The following POLR3B variants were observed in gnomAD, a reference collection of about 807,000 sequenced individuals.
POLR3B encodes the protein DNA-directed RNA polymerase III subunit RPC2.
In POLR3B, 96 loss-of-function variants were observed where a neutral mutation model predicts 147.4. The observed-to-expected ratio is 0.65, with a 90% CI of 0.55 to 0.77. The LOEUF is 0.77. Among genes scored for constraint, POLR3B ranks in the 30% least tolerant of loss-of-function variants. POLR3B has a pLI of 0.00. For missense variants in POLR3B, 1,036 were observed against 1,413.5 expected, an observed-to-expected ratio of 0.73 and a Z score of 4.28; for synonymous variants, 461 against 485.9, an observed-to-expected ratio of 0.95 and a Z score of 0.67.
chr12:106,455,657 A>C (rs1210062277), intron 20 of POLR3B, among the ~76,000 whole-genome samples: 1 of 152,166 alleles, frequency 6.6e-6, no homozygotes, highest in Non-Finnish European at 1.5e-5. Flanking sequence ...ACACTTCTTG[A>C]TTTCATGCAG....
rs1462728823 is a variant in POLR3B at position 106,509,585 on chromosome 12, T to G, written c.*36T>G. The G allele has an allele frequency of 3.2e-6, 5 of 1,584,246 alleles. No homozygotes were observed. In the African/African-American group the frequency reaches 6.7e-5, roughly 21 times the overall value. ...AATGATTATTAAAGAGAACAAGTGA[T>G]ACATCCAATGCAACGGAAAGCAGAA... is the stretch of plus-strand genomic sequence containing the variant. On this transcript the variant is annotated 3_prime_UTR_variant, in exon 28 of 28. Coordinates refer to ENST00000228347, the MANE Select transcript of POLR3B (RefSeq NM_018082.6).
intron 12 of POLR3B, among the ~76,000 whole-genome samples, chr12:106,419,337 G>A (rs1475137246): frequency 6.6e-6 from 1 of 152,214 alleles, no homozygotes. Flanking sequence ...TAGTAGAAAA[G>A]TGGAAGGACA....
At chr12:106,368,350 G>A (rs1198511659) in intron 4 of POLR3B, among the ~76,000 whole-genome samples, 1 of 151,874 alleles carries the variant, frequency 6.6e-6, no homozygotes, top group Non-Finnish European at 1.5e-5. Flanking sequence ...GTATGTATAC[G>A]AACACATATG....
At position 106,357,809 on chromosome 12, in the gene POLR3B, C is replaced by A; in HGVS notation, c.-71C>A. The stretch of plus-strand genomic sequence containing the variant: ...CCTCCGCGCACCGTTCGCCGGGAGT[C>A]TTGCAGTTTGCTTGGTGCAGGGAAG... On this transcript the variant is annotated 5_prime_UTR_variant, in exon 1 of 28. Transcript: ENST00000228347. 2 of 1,459,084 alleles carry A rather than the reference C, an allele frequency of 1.4e-6. No individual in the cohort carries two copies. The highest frequency in any genetic ancestry group is 1.2e-5 in the South Asian group (1 of 84,216). The allele number at this position is 1,459,084 out of a possible 1,614,324, so 90.4% of individuals were successfully genotyped here.
intron 27 of POLR3B, 149 bp from the exon 28 acceptor site, chr12:106,509,271 T>G: frequency 1.2e-6 from 1 of 811,832 alleles, no homozygotes; most frequent in Non-Finnish European, 2.1e-6. Context: ...ACATACGTAC[T>G]TATATGATAG....
rs577789842 is a variant in POLR3B, at chr12:106,400,719, A to G, written c.847-5138A>G. The stretch of plus-strand genomic sequence containing the variant: ...TGGAAACTGAACAACCTGCTCCTGA[A>G]TGACTACTGGGTACATAATGAAATG... On this transcript the variant is annotated intron_variant, in intron 10 of 27. Coordinates refer to ENST00000228347, the MANE Select transcript of POLR3B (RefSeq NM_018082.6). Among the ~76,000 whole-genome samples the G allele has an allele frequency of 8.4e-4, 128 of 152,356 alleles. No individual in the cohort carries two copies. The South Asian group carries it at 0.014, about 17-fold the overall frequency.
intron 22 of POLR3B, among the ~76,000 whole-genome samples, chr12:106,461,192 C>G (rs951056204): frequency 1.3e-5 from 2 of 152,076 alleles, no homozygotes; most frequent in African/African-American, 4.8e-5. Flanking sequence ...CCTCCCAGTT[C>G]AAGTGATTCT....
chr12:106,481,169 T>G (rs963125085), intron 23 of POLR3B, among the ~76,000 whole-genome samples: 1 of 152,074 alleles, frequency 6.6e-6, no homozygotes, highest in Non-Finnish European at 1.5e-5. Flanking sequence ...AACTTTGGCT[T>G]TTATTCTGAG....
rs1255185207 is a variant in POLR3B at position 106,496,899 on chromosome 12, G to A, written c.2965G>A (p.Val989Ile). The part of the protein sequence containing the change: ...HGYNYLGKDY[V>I]TSGITGEPLE... ...TTATAACTACTTGGGGAAAGACTATGTTACATCCGGCATCACAGGGTAAGC... is the reference window on the plus strand; with the variant it reads ...TTATAACTACTTGGGGAAAGACTATATTACATCCGGCATCACAGGGTAAGC... The change falls in exon 25 of 28, where the codon GTT becomes ATT. Residue 989 changes from valine to isoleucine, a missense_variant. Physicochemically the swap from Val to Ile is conservative, Grantham distance 29. This residue lies in a region of POLR3B where 88 missense variants were observed against 87.5 expected (regional missense o/e 1.01). Coordinates refer to ENST00000228347, the MANE Select transcript of POLR3B (RefSeq NM_018082.6). 6.2e-7 allele frequency: 1 copy of A among 1,614,000 alleles called. No individual in the cohort carries two copies. Among genetic ancestry groups the A allele is most frequent in the Non-Finnish European group, 8.5e-7 (1 of 1,179,992 alleles).
chr12:106,459,603 A>T (rs942996702), intron 22 of POLR3B, among the ~76,000 whole-genome samples: 1 of 152,200 alleles, frequency 6.6e-6, no homozygotes, highest in Non-Finnish European at 1.5e-5. Context: ...GGTGGAATTA[A>T]CAACAGGATG....
intron 19 of POLR3B, among the ~76,000 whole-genome samples, chr12:106,444,833 G>A (rs1383402762): frequency 1.3e-5 from 2 of 149,922 alleles, no homozygotes; most frequent in African/African-American, 2.5e-5. Flanking sequence ...ACCAAACAAA[G>A]CAATGTGTAA....
At chr12:106,412,838 G>GT (rs1354892462) in intron 12 of POLR3B, among the ~76,000 whole-genome samples, 3 of 152,106 alleles carry the variant, frequency 2.0e-5, no homozygotes, top group Non-Finnish European at 2.9e-5. Flanking sequence ...CTCTCATACT[G>GT]TAAACAAGTA....
At chr12:106,375,665 T>C (rs945770309) in intron 6 of POLR3B, among the ~76,000 whole-genome samples, 2 of 152,198 alleles carry the variant, frequency 1.3e-5, no homozygotes, top group Non-Finnish European at 1.5e-5. Context: ...TTCTAGTACA[T>C]TTTGCTCAGT....
At chr12:106,465,292 T>C (rs2037989674) in intron 23 of POLR3B, among the ~76,000 whole-genome samples, 1 of 152,150 alleles carries the variant, frequency 6.6e-6, no homozygotes, top group Non-Finnish European at 1.5e-5. Flanking sequence ...TTGTAAAATA[T>C]TGACACTGGA....
intron 9 of POLR3B, among the ~76,000 whole-genome samples, chr12:106,384,198 C>G (rs1192308053): frequency 6.6e-6 from 1 of 152,024 alleles, no homozygotes; most frequent in Non-Finnish European, 1.5e-5. Flanking sequence ...ATCTACAAAG[C>G]CCAATAAAGC....
chr12:106,368,116 A>G (rs1386467891), intron 4 of POLR3B, among the ~76,000 whole-genome samples: 2 of 152,004 alleles, frequency 1.3e-5, no homozygotes, highest in Admixed American at 6.6e-5. Context: ...AGCTTTGACC[A>G]TAGGGAGACC....
chr12:106,477,596 C>T (rs997355266), intron 23 of POLR3B, among the ~76,000 whole-genome samples: 9 of 152,070 alleles, frequency 5.9e-5, no homozygotes, highest in Non-Finnish European at 1.0e-4. Flanking sequence ...GTCTGAAAAG[C>T]GCAATATTCA....
chr12:106,503,881 A>G (rs1428595332), intron 26 of POLR3B, among the ~76,000 whole-genome samples, 200 bp from the exon 27 acceptor site: 2 of 152,232 alleles, frequency 1.3e-5, no homozygotes, highest in Non-Finnish European at 2.9e-5. Context: ...TCTTTTCTCA[A>G]TTGAGGCTCT....
chr12:106,489,556 A>G (rs2137067008), intron 23 of POLR3B, among the ~76,000 whole-genome samples: 1 of 152,298 alleles, frequency 6.6e-6, no homozygotes, highest in South Asian at 2.1e-4. Context: ...ACTTTCCAAC[A>G]CATTAAAGAA....
Sources: allele counts gnomAD v4.1 joint callset (sites outside exome capture counted in the v4.1 genomes callset), GRCh38; gene constraint gnomAD v4.1.1; regional missense constraint gnomAD v4.1.1; transcripts MANE v1.5; gene names NCBI Gene and HGNC (gene_info 2026-07-23, HGNC 2026-07-21).